Variants in ARL13B observed in about 807,000 individuals in gnomAD.
The protein encoded by ARL13B is ARF like GTPase 13B, also known as ADP-ribosylation factor-like protein 13B.
In ARL13B, 36 loss-of-function variants were observed where a neutral mutation model predicts 56.1. The ratio of observed to expected loss-of-function variants is 0.64; its 90% CI spans 0.49 to 0.85. The LOEUF is 0.85. Among genes scored for constraint, ARL13B ranks in the 40% least tolerant of loss-of-function variants. The probability of loss-of-function intolerance (pLI) is 0.00; values close to 1 mark genes in which losing one functional copy is unlikely to be tolerated. For synonymous variants in ARL13B, 178 were observed against 171.1 expected, an observed-to-expected ratio of 1.04 and a Z score of -0.32; for missense variants, 519 against 507.1, an observed-to-expected ratio of 1.02 and a Z score of -0.23.
At chr3:93,989,509 G>T (rs368581514) in intron 1 of ARL13B, among the ~76,000 whole-genome samples, 8 of 152,096 alleles carry the variant, frequency 5.3e-5, no homozygotes, top group East Asian at 3.9e-4. Flanking sequence ...GCCAAATTGA[G>T]ACTTGATTCT....
At chr3:94,003,637 T>C in intron 2 of ARL13B, 22 bp from the exon 3 acceptor site, 1 of 1,610,498 alleles carries the variant, frequency 6.2e-7, no homozygotes, top group Non-Finnish European at 8.5e-7. Flanking sequence ...GATTTTCTTT[T>C]TTTGTGTATC....
chr3:94,002,693 G>C (rs1187019894), intron 2 of ARL13B, among the ~76,000 whole-genome samples: 2 of 152,142 alleles, frequency 1.3e-5, no homozygotes, highest in Non-Finnish European at 2.9e-5. Context: ...CTTCCAGTCA[G>C]TCTAGAGACT....
At chr3:94,016,608 G>A (rs866655044) in intron 3 of ARL13B, among the ~76,000 whole-genome samples, 1 of 151,554 alleles carries the variant, frequency 6.6e-6, no homozygotes, top group Non-Finnish European at 1.5e-5. Flanking sequence ...GTTCACAATA[G>A]TGTCTATGAA....
At chr3:94,012,279 C>G (rs1275556786) in intron 3 of ARL13B, among the ~76,000 whole-genome samples, 1 of 152,130 alleles carries the variant, frequency 6.6e-6, no homozygotes, top group African/African-American at 2.4e-5. Context: ...AGCTAATATC[C>G]TAAAACCTCC....
intron 1 of ARL13B, among the ~76,000 whole-genome samples, chr3:93,986,225 A>G (rs938267121): frequency 6.6e-6 from 1 of 152,156 alleles, no homozygotes; most frequent in South Asian, 2.1e-4. Context: ...TATTTTAGAG[A>G]TGAAAAAATG....
chr3:93,995,919 C>A lies in ARL13B; in HGVS notation c.105C>A (p.Thr35=). 6.2e-7 allele frequency: 1 copy of A among 1,613,238 alleles called. No individual in the cohort carries two copies. The highest frequency in any genetic ancestry group is 8.5e-7 in the Non-Finnish European group (1 of 1,179,542). ...LMVGLDNAGK[T]ATAKGIQGEY... ...TGGGACTTGATAATGCTGGTAAAACCGCAACAGCAAAGGGAATCCAAGGAG... is the reference window on the plus strand; with the variant it reads ...TGGGACTTGATAATGCTGGTAAAACAGCAACAGCAAAGGGAATCCAAGGAG... The change falls in exon 2 of 10, where the codon ACC becomes ACA. Residue 35 remains threonine, a synonymous_variant. Transcript: ENST00000394222.
At chr3:94,005,265 A>G (rs1293989178) in intron 3 of ARL13B, among the ~76,000 whole-genome samples, 2 of 152,200 alleles carry the variant, frequency 1.3e-5, no homozygotes, top group Non-Finnish European at 2.9e-5. Context: ...ATAATTAATA[A>G]GTTACATTAT....
At chr3:94,020,651 A>T (rs1014278425) in intron 3 of ARL13B, among the ~76,000 whole-genome samples, 3 of 152,180 alleles carry the variant, frequency 2.0e-5, no homozygotes, top group Non-Finnish European at 4.4e-5. Flanking sequence ...TATAGATATT[A>T]AAAGTTTATT....
At chr3:94,034,493 CTAAT>C (rs949576565) in intron 3 of ARL13B, among the ~76,000 whole-genome samples, 2 of 150,438 alleles carry the variant, frequency 1.3e-5, no homozygotes, top group East Asian at 2.0e-4. Context: ...CAGTTTGTCT[CTAAT>C]TGAGTACAAT....
At position 93,980,160 on chromosome 3, in the gene ARL13B, TC is replaced by T. The variant is rs1326026793; in HGVS notation, c.-263del. On this transcript the variant is annotated 5_prime_UTR_variant, in exon 1 of 10. Coordinates refer to ENST00000394222, the MANE Select transcript of ARL13B (RefSeq NM_001174150.2). Reference sequence around the variant, plus strand: ...CGTCAGCACGTCGACGCGGGGCTTTTCTTTAGCCGGGTCCCGCTAACTCGGC... The same window carrying T: ...CGTCAGCACGTCGACGCGGGGCTTTTTTTAGCCGGGTCCCGCTAACTCGGC... 3 of 630,040 alleles carry T rather than the reference TC, an allele frequency of 4.8e-6. No individual in the cohort carries two copies. Among genetic ancestry groups the T allele is most frequent in the Middle Eastern group, 8.4e-4 (2 of 2,376 alleles). The allele number at this position is 630,040 out of a possible 1,614,324, so 39.0% of individuals were successfully genotyped here. A position where few individuals can be genotyped will look rare whatever the true frequency, so the allele number is the denominator to read the frequency against.
In ARL13B at chr3:94,054,071, T is replaced by C. The variant is rs1008276743; in HGVS notation, c.*808T>C. On this transcript the variant is annotated 3_prime_UTR_variant, in exon 10 of 10. Coordinates refer to ENST00000394222, the MANE Select transcript of ARL13B (RefSeq NM_001174150.2). ...ACATTCTGTGAGATACTATTAAAAG[T>C]CTCAGTAAAGTCCTATTTTAAAGGT... 3 of 448,158 alleles carry C rather than the reference T, an allele frequency of 6.7e-6. No individual in the cohort carries two copies. In the Admixed American group the frequency reaches 7.2e-5, roughly 11 times the overall value. 27.8% of individuals were successfully genotyped at this position (448,158 alleles called of 1,614,324 possible).
Position 94,043,007 on chromosome 3 carries a change from T to C in ARL13B, c.799-8T>C. ...ATAGTAAAGATAATGTATTTTATTT[T>C]TTGTTAGAATGAAGGAAAACTTGAA... On this transcript the variant is annotated splice_region_variant and splice_polypyrimidine_tract_variant and intron_variant, in intron 6 of 9. Transcript: ENST00000394222. The C allele has an allele frequency of 6.3e-7, 1 of 1,592,142 alleles. No individual in the cohort carries two copies. Among genetic ancestry groups the C allele is most frequent in the Non-Finnish European group, 8.6e-7 (1 of 1,167,412 alleles).
chr3:94,004,834 T>C (rs1352714800), intron 3 of ARL13B, among the ~76,000 whole-genome samples: 1 of 152,142 alleles, frequency 6.6e-6, no homozygotes, highest in East Asian at 1.9e-4. Context: ...ATTTGATTTG[T>C]ATAAGCAATT....
Position 93,980,316 on chromosome 3 carries a change from C to G in ARL13B, c.-108C>G, listed in dbSNP as rs1201049736. ...CTTCCCTCCCGGCTTTTCCTCCCGA[C>G]TTATCCACTTTAGGGGCGTCTCGGA... is the stretch of plus-strand genomic sequence containing the variant. On this transcript the variant is annotated 5_prime_UTR_variant, in exon 1 of 10. Transcript: ENST00000394222. The G allele has an allele frequency of 2.8e-6, 4 of 1,447,960 alleles. No individual in the cohort carries two copies. Among genetic ancestry groups the G allele is most frequent in the Non-Finnish European group, 2.9e-6 (3 of 1,042,032 alleles). 89.7% of individuals were successfully genotyped at this position (1,447,960 alleles called of 1,614,324 possible). A position where few individuals can be genotyped will look rare whatever the true frequency, so the allele number is the denominator to read the frequency against.
intron 7 of ARL13B, among the ~76,000 whole-genome samples, chr3:94,046,668 G>A (rs2076989921): frequency 6.6e-6 from 1 of 151,908 alleles, no homozygotes; most frequent in Non-Finnish European, 1.5e-5. Context: ...AAGAATCCTT[G>A]GAATAAATTT....
At chr3:94,049,361 C>A (rs544094192) in intron 7 of ARL13B, 45 bp from the exon 8 acceptor site, 1 of 1,162,676 alleles carries the variant, frequency 8.6e-7, no homozygotes, top group Non-Finnish European at 1.3e-6. Context: ...TATAAAAGTG[C>A]ACTTTTTCAT....
intron 3 of ARL13B, among the ~76,000 whole-genome samples, chr3:94,004,965 TCTAGA>T (rs1342703829): frequency 6.6e-6 from 1 of 152,148 alleles, no homozygotes; most frequent in Non-Finnish European, 1.5e-5. Context: ...ATCAGTGATT[TCTAGA>T]CTAAAGTAAA....
At chr3:94,005,394 T>A (rs1227351685) in intron 3 of ARL13B, among the ~76,000 whole-genome samples, 1 of 152,186 alleles carries the variant, frequency 6.6e-6, no homozygotes, top group Non-Finnish European at 1.5e-5. Flanking sequence ...TAGGCCTTAT[T>A]GAGAAACTGA....
intron 7 of ARL13B, 52 bp from the exon 8 acceptor site, chr3:94,049,354 A>G (rs1043497908): frequency 1.8e-6 from 2 of 1,083,164 alleles, no homozygotes; most frequent in Non-Finnish European, 2.8e-6. Flanking sequence ...TTTCTATTAT[A>G]AAAGTGCACT....
Sources: allele counts gnomAD v4.1 joint callset (sites outside exome capture counted in the v4.1 genomes callset), GRCh38; gene constraint gnomAD v4.1.1; transcripts MANE v1.5; gene names NCBI Gene and HGNC (gene_info 2026-07-23, HGNC 2026-07-21).